The following SLC22A4 variants were observed in gnomAD, a reference collection of about 807,000 sequenced individuals.
The protein encoded by SLC22A4 is solute carrier family 22 member 4.
In SLC22A4, 39 loss-of-function variants were observed where a neutral mutation model predicts 56.6. The ratio of observed to expected loss-of-function variants is 0.69; its 90% CI spans 0.53 to 0.90. The LOEUF is 0.90. Among genes scored for constraint, SLC22A4 ranks in the 40% least tolerant of loss-of-function variants. The probability of loss-of-function intolerance (pLI) is 0.00; values close to 1 mark genes in which losing one functional copy is unlikely to be tolerated. For synonymous variants in SLC22A4, 241 were observed against 281.4 expected (o/e 0.86, Z 1.44); for missense variants, 594 against 696.5 (o/e 0.85, Z 1.66).
intron 1 of SLC22A4, among the ~76,000 whole-genome samples, chr5:132,302,845 T>G (rs1390500962): frequency 2.0e-5 from 3 of 152,248 alleles, no homozygotes; most frequent in Non-Finnish European, 4.4e-5. Context: ...CTGGTTCTTC[T>G]GCTTTGGTTT....
chr5:132,294,724 T>G lies in SLC22A4; in HGVS notation c.108T>G (p.Gly36=). Reference sequence around the variant, plus strand: ...GCATCATCCCCAATGGCTTCAATGGTATGTCAGTCGTGTTCCTGGCGGGGA... The same window carrying G: ...GCATCATCCCCAATGGCTTCAATGGGATGTCAGTCGTGTTCCTGGCGGGGA... ...SASIIPNGFN[G]MSVVFLAGTP... is the part of the protein sequence containing the mutation. The change falls in exon 1 of 10, where the codon GGT becomes GGG. Residue 36 remains glycine, a synonymous_variant. Coordinates refer to ENST00000200652, the MANE Select transcript of SLC22A4 (RefSeq NM_003059.3). This position sits in a 1 kb window ranked among gnomAD's most constrained non-coding sequence, Gnocchi z 5.6. The G allele has an allele frequency of 2.5e-6, 4 of 1,614,064 alleles. No individual in the cohort carries two copies. The highest frequency in any genetic ancestry group is 3.4e-6 in the Non-Finnish European group (4 of 1,180,016).
chr5:132,308,249 T>C (rs1304013496), intron 1 of SLC22A4, among the ~76,000 whole-genome samples: 1 of 152,088 alleles, frequency 6.6e-6, no homozygotes, highest in Non-Finnish European at 1.5e-5. Context: ...TGCACATCTG[T>C]CCTGTAAAGT....
At chr5:132,341,147 C>G (rs1250147430) in intron 9 of SLC22A4, among the ~76,000 whole-genome samples, 1 of 151,450 alleles carries the variant, frequency 6.6e-6, no homozygotes, top group African/African-American at 2.4e-5. Context: ...AGGCCAGGCG[C>G]GGTGGCACAT....
At chr5:132,314,989 C>T (rs570972288) in intron 3 of SLC22A4, among the ~76,000 whole-genome samples, 1 of 152,176 alleles carries the variant, frequency 6.6e-6, no homozygotes, top group African/African-American at 2.4e-5. Flanking sequence ...GGGGAAGGAG[C>T]GGGGCAAGAT....
intron 1 of SLC22A4, among the ~76,000 whole-genome samples, chr5:132,308,591 T>A (rs1029294787): frequency 5.9e-5 from 9 of 151,996 alleles, no homozygotes; most frequent in African/African-American, 2.2e-4. Context: ...CTCCCTTTAC[T>A]ATAGGGAGCC....
intron 9 of SLC22A4, among the ~76,000 whole-genome samples, chr5:132,342,004 T>C (rs1751234096): frequency 6.6e-6 from 1 of 151,542 alleles, no homozygotes; most frequent in Admixed American, 6.6e-5. Flanking sequence ...GGCCTAAAAA[T>C]GTAAAATCAT....
At chr5:132,295,419 G>T in intron 1 of SLC22A4, 1 of 412,730 alleles carries the variant, frequency 2.4e-6, no homozygotes, top group East Asian at 6.8e-5. Flanking sequence ...GCCAAATCTT[G>T]TCTGTTCCCT....
intron 6 of SLC22A4, 69 bp downstream of exon 6, chr5:132,331,919 G>A (rs549174698): frequency 1.2e-4 from 119 of 1,002,030 alleles, no homozygotes; most frequent in Admixed American, 5.6e-4. Context: ...TCTTAACTCA[G>A]AGGAACATTA....
chr5:132,302,545 G>A (rs1025614282), intron 1 of SLC22A4, among the ~76,000 whole-genome samples: 4 of 152,162 alleles, frequency 2.6e-5, no homozygotes, highest in African/African-American at 4.8e-5. Context: ...GGGAAAGGCT[G>A]GAATGACCCA....
intron 1 of SLC22A4, among the ~76,000 whole-genome samples, chr5:132,296,943 T>G (rs1053540162): frequency 2.6e-5 from 4 of 152,192 alleles, no homozygotes; most frequent in African/African-American, 9.7e-5. Context: ...CATCACACAT[T>G]CACACACATG....
chr5:132,336,755 C>G (rs1403680520), intron 8 of SLC22A4, among the ~76,000 whole-genome samples: 2 of 151,962 alleles, frequency 1.3e-5, no homozygotes, highest in Non-Finnish European at 2.9e-5. Flanking sequence ...AGTAAAATTC[C>G]TGGAGCAAAG....
rs1466844630 is a variant in SLC22A4 at position 132,327,378 on chromosome 5, C to T, written c.926C>T (p.Pro309Leu). 6.2e-7 allele frequency: 1 copy of T among 1,612,346 alleles called. No homozygotes were observed. ...KAAKMNNIAV[P>L]AVIFDSVEEL... ...GCAAAAATGAACAACATAGCTGTAC[C>T]AGCAGTGATATTTGATTCTGTGGAG... The change falls in exon 5 of 10, where the codon CCA (proline) becomes CTA (leucine). Residue 309 changes from proline to leucine, a missense_variant. Physicochemically the swap from Pro to Leu is moderately conservative, Grantham distance 98. Transcript: ENST00000200652.
intron 9 of SLC22A4, among the ~76,000 whole-genome samples, chr5:132,341,650 C>T (rs1349004604): frequency 6.6e-6 from 1 of 151,500 alleles, no homozygotes; most frequent in Non-Finnish European, 1.5e-5. Context: ...AAAGTTGTCT[C>T]TTTAAAAAAT....
chr5:132,325,606 T>G (rs186791521), intron 4 of SLC22A4, among the ~76,000 whole-genome samples: 409 of 152,356 alleles, frequency 2.7e-3, no homozygotes, highest in Middle Eastern at 0.017. Flanking sequence ...AGTGTGGGTT[T>G]GGGGCCAATT....
At chr5:132,327,780 C>T (rs1318202301) in intron 5 of SLC22A4, among the ~76,000 whole-genome samples, 1 of 152,186 alleles carries the variant, frequency 6.6e-6, no homozygotes, top group African/African-American at 2.4e-5. Flanking sequence ...CCTGGGTTCT[C>T]CACTGTACCC....
intron 6 of SLC22A4, among the ~76,000 whole-genome samples, chr5:132,332,859 CAG>C (rs1239839496): frequency 6.6e-6 from 1 of 152,014 alleles, no homozygotes; most frequent in African/African-American, 2.4e-5. Context: ...AGATCAATGA[CAG>C]AGCTTATGCG....
chr5:132,311,782 G>A (rs3828671), intron 1 of SLC22A4: 18,948 of 321,580 alleles, frequency 0.059, 1,223 homozygotes, highest in East Asian at 0.25. Context: ...CCTCCCCTCC[G>A]CACTAGGCTG....
At chr5:132,322,137 T>C (rs1173407487) in intron 3 of SLC22A4, 47 bp from the exon 4 acceptor site, 3 of 1,547,494 alleles carry the variant, frequency 1.9e-6, no homozygotes, top group South Asian at 2.2e-5. Context: ...AAAAAGCAAA[T>C]ATTAAAGTGA....
intron 1 of SLC22A4, among the ~76,000 whole-genome samples, chr5:132,306,380 G>A (rs1364270944): frequency 1.1e-5 from 1 of 93,904 alleles, no homozygotes. Flanking sequence ...GACCCAAACC[G>A]TGAAATATAT....
Sources: allele counts gnomAD v4.1 joint callset (sites outside exome capture counted in the v4.1 genomes callset), GRCh38; gene constraint gnomAD v4.1.1; non-coding constraint Gnocchi (gnomAD v3.1); transcripts MANE v1.5; gene names NCBI Gene and HGNC (gene_info 2026-07-23, HGNC 2026-07-21).